MCHR2: variants seen among roughly 807,000 people sequenced by gnomAD.
MCHR2 encodes the protein melanin-concentrating hormone receptor 2.
A neutral mutation model predicts 24.8 loss-of-function variants in MCHR2; 15 were observed. The ratio of observed to expected loss-of-function variants is 0.60; its 90% confidence interval spans 0.40 to 0.93. MCHR2 has a LOEUF of 0.93. Ranked by LOEUF, MCHR2 falls within the 40% of genes least tolerant of loss-of-function variation. MCHR2 has a pLI of 0.00. For missense variants in MCHR2, 386 were observed against 408.7 expected (o/e 0.94, Z 0.48); for synonymous variants, 151 against 147.6 (o/e 1.02, Z -0.17).
intron 1 of MCHR2, among the ~76,000 whole-genome samples, chr6:99,963,760 C>T (rs983931911): frequency 5.3e-5 from 8 of 151,778 alleles, no homozygotes; most frequent in Non-Finnish European, 1.5e-5. Context: ...TATAATATTC[C>T]ATTCAATGTC....
chr6:99,962,248 A>G (rs1775203119), intron 1 of MCHR2, among the ~76,000 whole-genome samples: 1 of 152,180 alleles, frequency 6.6e-6, no homozygotes, highest in Non-Finnish European at 1.5e-5. Context: ...CAGCGAGGAT[A>G]TGGTAGATAA....
intron 5 of MCHR2, among the ~76,000 whole-genome samples, chr6:99,925,714 A>G (rs1476070851): frequency 1.3e-5 from 2 of 151,486 alleles, no homozygotes; most frequent in African/African-American, 4.8e-5. Flanking sequence ...TTGTACCCCC[A>G]ATTTTTAACT....
intron 5 of MCHR2, among the ~76,000 whole-genome samples, chr6:99,932,231 C>T (rs1774560876): frequency 6.6e-6 from 1 of 151,966 alleles, no homozygotes; most frequent in African/African-American, 2.4e-5. Context: ...TTTTGAGAGA[C>T]CAAATAAATA....
chr6:99,982,700 G>T (rs939990274), intron 1 of MCHR2, among the ~76,000 whole-genome samples: 3 of 151,978 alleles, frequency 2.0e-5, no homozygotes, highest in African/African-American at 7.2e-5. Context: ...TGAGTTGGGT[G>T]GATGAACTCT....
At chr6:99,939,979 C>A (rs533392357) in intron 4 of MCHR2, among the ~76,000 whole-genome samples, 1 of 147,170 alleles carries the variant, frequency 6.8e-6, no homozygotes, top group Non-Finnish European at 1.5e-5. Context: ...CTCCTTTATA[C>A]GTTATTTGCT....
intron 2 of MCHR2, 65 bp downstream of exon 2, chr6:99,955,900 AG>A: frequency 7.6e-7 from 1 of 1,310,646 alleles, no homozygotes; most frequent in South Asian, 1.9e-5. Context: ...GGACTCATTT[AG>A]GGAGCTTTGA....
intron 1 of MCHR2, among the ~76,000 whole-genome samples, chr6:99,961,438 C>T (rs1233195845): frequency 6.6e-6 from 1 of 152,096 alleles, no homozygotes; most frequent in Admixed American, 6.6e-5. Flanking sequence ...TTCACGGTAG[C>T]AAAGACTTGG....
At chr6:99,986,087 T>C (rs1775763230) in intron 1 of MCHR2, among the ~76,000 whole-genome samples, 1 of 152,106 alleles carries the variant, frequency 6.6e-6, no homozygotes, top group South Asian at 2.1e-4. Context: ...TCAATATCAC[T>C]AATCATCAGA....
chr6:99,933,217 T>A (rs1230220193), intron 5 of MCHR2, among the ~76,000 whole-genome samples: 3 of 152,072 alleles, frequency 2.0e-5, no homozygotes, highest in Non-Finnish European at 4.4e-5. Flanking sequence ...TTTATCAGAG[T>A]AGGCACTATC....
At chr6:99,923,910 C>T (rs1774296096) in intron 5 of MCHR2, among the ~76,000 whole-genome samples, 5 of 152,044 alleles carry the variant, frequency 3.3e-5, no homozygotes, top group Admixed American at 3.3e-4. Context: ...TTTAGTATCA[C>T]AGTAATACTG....
chr6:99,928,927 G>A (rs1240036628), intron 5 of MCHR2, among the ~76,000 whole-genome samples: 1 of 152,120 alleles, frequency 6.6e-6, no homozygotes, highest in African/African-American at 2.4e-5. Flanking sequence ...TAATTGTGAT[G>A]TTAGGGTGTC....
At chr6:99,987,187 G>C (rs1455121824) in intron 1 of MCHR2, among the ~76,000 whole-genome samples, 1 of 151,178 alleles carries the variant, frequency 6.6e-6, no homozygotes, top group Non-Finnish European at 1.5e-5. Context: ...TGCAACCTCT[G>C]CCTCCTGGGT....
At position 99,965,623 on chromosome 6, in the gene MCHR2, G is replaced by T. The variant is rs897756243; in HGVS notation, c.-27-9449C>A. On this transcript the variant is annotated intron_variant, in intron 1 of 5. Coordinates refer to ENST00000281806, the MANE Select transcript of MCHR2 (RefSeq NM_001040179.2). ...AGGATACACGAAAATCTAGTGTTTTGTAATTACAAAATGTAAAATAACCAG... is the reference window on the plus strand; with the variant it reads ...AGGATACACGAAAATCTAGTGTTTTTTAATTACAAAATGTAAAATAACCAG... Among the ~76,000 whole-genome samples the T allele has an allele frequency of 7.2e-5, 11 of 152,170 alleles. No individual in the cohort carries two copies. In the South Asian group the frequency reaches 2.1e-3, roughly 29 times the overall value.
chr6:99,968,977 A>C (rs1775343426), intron 1 of MCHR2, among the ~76,000 whole-genome samples: 1 of 152,214 alleles, frequency 6.6e-6, no homozygotes, highest in South Asian at 2.1e-4. Flanking sequence ...AAGCAGGGCT[A>C]TAAGGGAAAT....
intron 1 of MCHR2, among the ~76,000 whole-genome samples, chr6:99,977,358 G>A (rs1775570915): frequency 1.3e-5 from 2 of 152,100 alleles, no homozygotes; most frequent in African/African-American, 4.8e-5. Context: ...CATTTCACTA[G>A]AGAAGTTTTC....
intron 1 of MCHR2, among the ~76,000 whole-genome samples, chr6:99,993,565 T>C (rs1347550892): frequency 1.3e-5 from 2 of 152,200 alleles, no homozygotes; most frequent in East Asian, 3.9e-4. Flanking sequence ...GTTCAGCCTC[T>C]TTAGTCCCCA....
rs530319303 is a variant in MCHR2, at chr6:99,936,061, A to C, written c.588-1544T>G. On this transcript the variant is annotated intron_variant, in intron 4 of 5. Coordinates refer to ENST00000281806, the MANE Select transcript of MCHR2 (RefSeq NM_001040179.2). ...ATTGGATTATTTGGGTTTTTTTGCT[A>C]TTGAGTTGTTTGAGCTCCTTATATA... 4.2e-4 allele frequency among the ~76,000 whole-genome samples: 63 copies of C among 151,644 alleles called. 1 individual carries two copies. The South Asian group carries it at 0.013, about 31-fold the overall frequency.
chr6:99,962,813 A>T (rs1032388586), intron 1 of MCHR2, among the ~76,000 whole-genome samples: 2 of 152,142 alleles, frequency 1.3e-5, no homozygotes, highest in Non-Finnish European at 2.9e-5. Context: ...CATCCTACAG[A>T]CTGGGAGAAA....
intron 4 of MCHR2, among the ~76,000 whole-genome samples, chr6:99,937,939 G>C (rs1774696377): frequency 6.6e-6 from 1 of 151,768 alleles, no homozygotes; most frequent in Non-Finnish European, 1.5e-5. Context: ...TTGGCAGGCT[G>C]TTTGTGTCCA....
Sources: allele counts gnomAD v4.1 joint callset (sites outside exome capture counted in the v4.1 genomes callset), GRCh38; gene constraint gnomAD v4.1.1; transcripts MANE v1.5; gene names NCBI Gene and HGNC (gene_info 2026-07-23, HGNC 2026-07-21).